Variants in DDX6 observed in about 807,000 individuals in gnomAD.
The protein encoded by DDX6 is DEAD-box helicase 6.
A neutral mutation model predicts 60.6 loss-of-function variants in DDX6; 7 were observed. That is an observed-to-expected ratio of 0.12 (90% CI 0.07 to 0.22). The LOEUF (loss-of-function observed/expected upper bound fraction) is 0.22. DDX6 is among the 10% of genes least tolerant of loss of function. The pLI is 1.00. For synonymous variants in DDX6, 207 were observed against 201.0 expected, an observed-to-expected ratio of 1.03 and a Z score of -0.25; for missense variants, 270 against 589.9, an observed-to-expected ratio of 0.46 and a Z score of 5.62.
intron 2 of DDX6, among the ~76,000 whole-genome samples, chr11:118,785,159 G>A (rs751990877): frequency 3.9e-5 from 6 of 152,088 alleles, no homozygotes; most frequent in Non-Finnish European, 7.4e-5. Context: ...TAAAGTGATG[G>A]TTACCATTCA....
chr11:118,755,545 A>ATTGAATATT, intron 11 of DDX6, 42 bp from the exon 12 acceptor site: 2 of 1,160,128 alleles, frequency 1.7e-6, no homozygotes. Context: ...CAATTTAGAA[A>ATTGAATATT]TGTCTCTCAG....
At chr11:118,790,031 A>C (rs1031847466) in intron 1 of DDX6, 1 of 152,236 alleles carries the variant, frequency 6.6e-6, no homozygotes, top group Non-Finnish European at 1.5e-5. Context: ...AGCAATTGAC[A>C]GTTTCACACC....
At chr11:118,769,785 A>G (rs1861475658) in intron 4 of DDX6, among the ~76,000 whole-genome samples, 1 of 152,144 alleles carries the variant, frequency 6.6e-6, no homozygotes, top group Non-Finnish European at 1.5e-5. Flanking sequence ...GCTCACTGCA[A>G]GCTCTGGCTC....
At chr11:118,768,500 C>A in intron 4 of DDX6, 148 bp from the exon 5 acceptor site, 1 of 752,040 alleles carries the variant, frequency 1.3e-6, no homozygotes, top group Non-Finnish European at 2.1e-6. Flanking sequence ...TAGCAGAGAT[C>A]CAAGTAAATC....
intron 4 of DDX6, among the ~76,000 whole-genome samples, chr11:118,772,632 T>A (rs924505171): frequency 2.6e-5 from 4 of 152,138 alleles, no homozygotes; most frequent in Admixed American, 1.3e-4. Context: ...ATGTGTGATG[T>A]CATTTATATC....
chr11:118,765,500 T>G, intron 5 of DDX6, 145 bp from the exon 6 acceptor site: 1 of 853,952 alleles, frequency 1.2e-6, no homozygotes, highest in Non-Finnish European at 1.9e-6. Flanking sequence ...CACCTTATGA[T>G]GCAGTGGCTC....
rs1555156983 is a variant in DDX6, at chr11:118,750,641, A to AT, written c.*1463dup. The AT allele has an allele frequency of 6.6e-6, 1 of 152,192 alleles. No individual in the cohort carries two copies. Among genetic ancestry groups the AT allele is most frequent in the African/African-American group, 2.4e-5 (1 of 41,434 alleles). 9.4% of individuals were successfully genotyped at this position (152,192 alleles called of 1,614,324 possible). A position where few individuals can be genotyped will look rare whatever the true frequency, so the allele number is the denominator to read the frequency against. On this transcript the variant is annotated 3_prime_UTR_variant, in exon 14 of 14. Transcript: ENST00000534980. ...TGAAATGCAAATCTGTGCTTTATAT[A>AT]TATACTGCTCAATGACACTGCCACT... is the stretch of plus-strand genomic sequence containing the variant.
In DDX6 at chr11:118,756,212, A is replaced by C. The variant is rs782670170; in HGVS notation, c.1174+48T>G. On this transcript the variant is annotated intron_variant, in intron 11 of 13. Coordinates refer to ENST00000534980, the MANE Select transcript of DDX6 (RefSeq NM_004397.6). ...GTAATATGAACAGAGAAAGCAAAAAACAACTTGGGAGAAAAACACTGGGTA... is the reference window on the plus strand; with the variant it reads ...GTAATATGAACAGAGAAAGCAAAAACCAACTTGGGAGAAAAACACTGGGTA... The C allele has an allele frequency of 3.2e-6, 5 of 1,545,504 alleles. No individual in the cohort carries two copies. In the South Asian group the frequency reaches 5.6e-5, roughly 17 times the overall value.
intron 4 of DDX6, among the ~76,000 whole-genome samples, chr11:118,770,015 G>T (rs1565570551): frequency 6.6e-6 from 1 of 150,792 alleles, no homozygotes; most frequent in African/African-American, 2.4e-5. Context: ...GCCATGATGT[G>T]GAATTTTAAT....
chr11:118,771,872 C>G (rs1442196075), intron 4 of DDX6, among the ~76,000 whole-genome samples: 1 of 152,320 alleles, frequency 6.6e-6, no homozygotes, highest in East Asian at 1.9e-4. Flanking sequence ...TGGAAACCAG[C>G]CTTGCAGTTC....
intron 4 of DDX6, among the ~76,000 whole-genome samples, chr11:118,777,897 G>GAA (rs374046858): frequency 0.6 from 59,111 of 99,126 alleles, 16,781 homozygotes; most frequent in Admixed American, 0.68. Context: ...TCAAAAAAGA[G>GAA]AAAAAAAAAA....
At chr11:118,765,768 A>G (rs1449169470) in intron 5 of DDX6, among the ~76,000 whole-genome samples, 2 of 130,604 alleles carry the variant, frequency 1.5e-5, no homozygotes, top group African/African-American at 6.0e-5. Flanking sequence ...AGTGAGACTC[A>G]GTCTCAAAAG....
chr11:118,748,390 CTTTAGA>C lies in DDX6; in HGVS notation c.*3709_*3714del, dbSNP rs1320760190. ...TTCTTTGGGAGTTTTAAAAAACTAT[CTTTAGA>C]TTTAGAGATACAAAGTACAACTACA... On this transcript the variant is annotated 3_prime_UTR_variant, in exon 14 of 14. Coordinates refer to ENST00000534980, the MANE Select transcript of DDX6 (RefSeq NM_004397.6). 6 of 152,110 alleles carry C rather than the reference CTTTAGA, an allele frequency of 3.9e-5. No homozygotes were observed. Among genetic ancestry groups the C allele is most frequent in the African/African-American group, 1.4e-4 (6 of 41,416 alleles). 9.4% of individuals were successfully genotyped at this position (152,110 alleles called of 1,614,324 possible). A position where few individuals can be genotyped will look rare whatever the true frequency, so the allele number is the denominator to read the frequency against.
rs376975384 is a variant in DDX6 at position 118,749,539 on chromosome 11, G to C, written c.*2566C>G. ...ACTCCTCATTAGAGGCTATACTTCA[G>C]TAATACTTTCCATTTTAAGTCTGTG... On this transcript the variant is annotated 3_prime_UTR_variant, in exon 14 of 14. Coordinates refer to ENST00000534980, the MANE Select transcript of DDX6 (RefSeq NM_004397.6). The C allele has an allele frequency of 7.2e-5, 11 of 152,570 alleles. No homozygotes were observed. The highest frequency in any genetic ancestry group is 2.4e-4 in the African/African-American group (10 of 41,526). The allele number at this position is 152,570 out of a possible 1,614,324, so 9.5% of individuals were successfully genotyped here. A position where few individuals can be genotyped will look rare whatever the true frequency, so the allele number is the denominator to read the frequency against.
chr11:118,775,966 AC>A (rs1236917931), intron 4 of DDX6, among the ~76,000 whole-genome samples: 1 of 152,096 alleles, frequency 6.6e-6, no homozygotes, highest in African/African-American at 2.4e-5. Flanking sequence ...CCTTGACTCT[AC>A]CAAAAACAAA....
intron 4 of DDX6, among the ~76,000 whole-genome samples, chr11:118,774,464 CTTTTTTTTT>C (rs11442846): frequency 8.6e-6 from 1 of 116,406 alleles, no homozygotes; most frequent in Non-Finnish European, 1.7e-5. Context: ...CTCTAACAGT[CTTTTTTTTT>C]TTTTTTTTTT....
In DDX6 at chr11:118,751,818, T is replaced by C. The variant is rs1329600395; in HGVS notation, c.*287A>G. 3 of 395,220 alleles carry C rather than the reference T, an allele frequency of 7.6e-6. No homozygotes were observed. The highest frequency in any genetic ancestry group is 5.7e-5 in the South Asian group (3 of 53,042). 24.5% of individuals were successfully genotyped at this position (395,220 alleles called of 1,614,324 possible). A position where few individuals can be genotyped will look rare whatever the true frequency, so the allele number is the denominator to read the frequency against. On this transcript the variant is annotated 3_prime_UTR_variant, in exon 14 of 14. Coordinates refer to ENST00000534980, the MANE Select transcript of DDX6 (RefSeq NM_004397.6). The stretch of plus-strand genomic sequence containing the variant: ...AGGGTTTCTCCCCTTCTCTTCTTTC[T>C]TTTCCTTCCTTGTCCCCTTTCCCCA...
rs1591895405 is a variant in DDX6 at position 118,762,415 on chromosome 11, T to C, written c.741+797A>G. On this transcript the variant is annotated intron_variant, in intron 7 of 13. Transcript: ENST00000534980. The stretch of plus-strand genomic sequence containing the variant: ...TATGTTCTGATAAATTCATCCTAAG[T>C]TGAAAATATTACCCAAACCTACTGA... Among the ~76,000 whole-genome samples, 8 of 152,308 alleles carry C rather than the reference T, an allele frequency of 5.3e-5. 1 individual carries two copies. In the South Asian group the frequency reaches 1.7e-3, roughly 32 times the overall value.
chr11:118,760,478 A>T (rs1194327951), intron 7 of DDX6, among the ~76,000 whole-genome samples: 1 of 152,120 alleles, frequency 6.6e-6, no homozygotes, highest in African/African-American at 2.4e-5. Flanking sequence ...CCACAACAGA[A>T]TTTTAATGTG....
Sources: gnomAD v4.1 joint callset for allele counts (sites outside exome capture counted in the v4.1 genomes callset) on GRCh38, gnomAD v4.1.1 for gene constraint, MANE v1.5 for transcripts, NCBI Gene and HGNC (gene_info 2026-07-23, HGNC 2026-07-21) for gene names.